ABCA3: variants seen among roughly 807,000 people sequenced by gnomAD.
ABCA3 encodes the protein phospholipid-transporting ATPase ABCA3.
Under a neutral mutation model 172.8 loss-of-function variants are expected in ABCA3, and 88 were observed. The observed-to-expected ratio is 0.51, with a 90% CI of 0.43 to 0.61. The LOEUF (loss-of-function observed/expected upper bound fraction) is 0.61, where lower values mean the gene tolerates loss of function less well. ABCA3 is among the 20% of genes least tolerant of loss of function. ABCA3 has a pLI of 0.00. For missense variants in ABCA3, 2,164 were observed against 2,301.0 expected, an observed-to-expected ratio of 0.94 and a Z score of 1.22; for synonymous variants, 1,066 against 983.8, an observed-to-expected ratio of 1.08 and a Z score of -1.56.
intron 7 of ABCA3, among the ~76,000 whole-genome samples, chr16:2,322,160 T>C (rs2093727101): frequency 6.7e-6 from 1 of 148,448 alleles, no homozygotes; most frequent in South Asian, 2.1e-4. Context: ...GTCGCGCCAC[T>C]GCACTCCAGC....
intron 8 of ABCA3, among the ~76,000 whole-genome samples, chr16:2,318,738 C>T (rs1640624385): frequency 6.6e-6 from 1 of 152,070 alleles, no homozygotes; most frequent in South Asian, 2.1e-4. Context: ...GTCTTGAACT[C>T]CTCACCTCAA....
chr16:2,319,777 T>A lies in ABCA3; in HGVS notation c.677A>T (p.His226Leu). ...HAVDRAIMEY[H>L]ADAATRQLFQ... ...CAGCTGGCGTGTGGCGGCATCGGCA[T>A]GGTACTCCATGATGGCCCGGTCCAC... Residue 226 changes from histidine to leucine, a missense_variant, in exon 8 of 33, where the codon CAT becomes CTT. Around this residue, in one of 3 missense-constraint regions of ABCA3, gnomAD observed 1,343 missense variants for 1,369.6 expected, o/e 0.98. Transcript: ENST00000301732. 1.2e-6 allele frequency: 2 copies of A among 1,614,006 alleles called. No individual in the cohort carries two copies. The highest frequency in any genetic ancestry group is 1.7e-6 in the Non-Finnish European group (2 of 1,179,996).
chr16:2,317,378 GA>G lies in ABCA3; in HGVS notation c.1015del (p.Ser339ProfsTer61). The part of the protein sequence containing the change: ...VKVKPNVAVL[S>X]RSDPSLVLAF... ...GAGCACCAGGGAGGGGTCGCTGCGG[GA>G]CAGCACGGCTACATTTGGCTTCACC... On this transcript the variant is annotated frameshift_variant, in exon 10 of 33. Transcript: ENST00000301732. LOFTEE classifies it high-confidence loss of function. 1 of 1,613,960 alleles carries G rather than the reference GA, an allele frequency of 6.2e-7. No individual in the cohort carries two copies. The highest frequency in any genetic ancestry group is 8.5e-7 in the Non-Finnish European group (1 of 1,180,024).
Position 2,279,890 on chromosome 16 carries a change from G to A in ABCA3, c.4360-760C>T, listed in dbSNP as rs917105672. On this transcript the variant is annotated intron_variant, in intron 28 of 32. Transcript: ENST00000301732. The surrounding 1 kb of genome is among the most constrained non-coding windows in gnomAD (Gnocchi z 4.4). ...GGCTCCCGAGTAGCTAGGATTATAG[G>A]CACCTGCCACCATGCCCTGCTAATT... Among the ~76,000 whole-genome samples, 1 of 152,062 alleles carries A rather than the reference G, an allele frequency of 6.6e-6. No homozygotes were observed. The highest frequency in any genetic ancestry group is 2.4e-5 in the African/African-American group (1 of 41,388).
intron 10 of ABCA3, among the ~76,000 whole-genome samples, chr16:2,315,743 A>G (rs1284855573): frequency 6.6e-6 from 1 of 152,008 alleles, no homozygotes; most frequent in Non-Finnish European, 1.5e-5. Context: ...AGCTCACTGC[A>G]ACATCCGCCA....
intron 1 of ABCA3, among the ~76,000 whole-genome samples, chr16:2,330,265 T>C (rs1311524948): frequency 7.5e-6 from 1 of 133,266 alleles, no homozygotes; most frequent in Non-Finnish European, 1.6e-5. Context: ...CTCAGAGTCA[T>C]CAGCTCCGAG....
At position 2,288,018 on chromosome 16, in the gene ABCA3, CCCCTTACCGAGCACCTCGCGGGGCT is replaced by C; in HGVS notation, c.2987_3004+7del. 1 of 1,603,022 alleles carries C rather than the reference CCCCTTACCGAGCACCTCGCGGGGCT, an allele frequency of 6.2e-7. No individual in the cohort carries two copies. The highest frequency in any genetic ancestry group is 8.5e-7 in the Non-Finnish European group (1 of 1,179,812). Reference sequence around the variant, plus strand: ...ATGCCCCCGTCCCGCCCCCGGGATGCCCCTTACCGAGCACCTCGCGGGGCTCCTGTCCCTCAGCCTGCAGTGCGTC... The same window carrying C: ...ATGCCCCCGTCCCGCCCCCGGGATGCCCTGTCCCTCAGCCTGCAGTGCGTC... On this transcript the variant is annotated splice_donor_variant and splice_donor_5th_base_variant and coding_sequence_variant and intron_variant, in exon 21 of 33. Coordinates refer to ENST00000301732, the MANE Select transcript of ABCA3 (RefSeq NM_001089.3). LOFTEE classifies it high-confidence loss of function.
intron 2 of ABCA3, 62 bp from the exon 3 acceptor site, chr16:2,328,819 A>C (rs2093738622): frequency 4.9e-6 from 1 of 203,838 alleles, no homozygotes; most frequent in Admixed American, 5.1e-5. Context: ...AAAGGCAAAC[A>C]ATTAGCGAGT....
Position 2,285,379 on chromosome 16 carries a change from G to A in ABCA3, c.3483+63C>T, listed in dbSNP as rs942037476. 1.9e-6 allele frequency: 3 copies of A among 1,544,572 alleles called. No individual in the cohort carries two copies. The highest frequency in any genetic ancestry group is 2.6e-6 in the Non-Finnish European group (3 of 1,142,550). On this transcript the variant is annotated intron_variant, in intron 23 of 32. Transcript: ENST00000301732. The surrounding 1 kb of genome is among the most constrained non-coding windows in gnomAD (Gnocchi z 4.7). ...CCCAGCTGGTTCCGGTTCTGCACAG[G>A]GGTCCCAGGGCAAGCCCTCTGCGGT...
At chr16:2,307,389 C>T (rs967256216) in intron 11 of ABCA3, among the ~76,000 whole-genome samples, 4 of 151,930 alleles carry the variant, frequency 2.6e-5, no homozygotes, top group Non-Finnish European at 5.9e-5. Context: ...CCCCTCTCTA[C>T]TAAAAATACA....
rs1311659533 is a variant in ABCA3, at chr16:2,279,925, T to G, written c.4360-795A>C. 6.6e-6 allele frequency among the ~76,000 whole-genome samples: 1 copy of G among 152,156 alleles called. No homozygotes were observed. Among genetic ancestry groups the G allele is most frequent in the East Asian group, 1.9e-4 (1 of 5,200 alleles). ...CCATGCCCTGCTAATTTTTGTATTT[T>G]TCTTTGGTAGAGACAGCATTTTGCC... On this transcript the variant is annotated intron_variant, in intron 28 of 32. Transcript: ENST00000301732. This position sits in a 1 kb window ranked among gnomAD's most constrained non-coding sequence, Gnocchi z 4.4.
At chr16:2,307,267 G>A (rs570240822) in intron 11 of ABCA3, among the ~76,000 whole-genome samples, 128 of 151,920 alleles carry the variant, frequency 8.4e-4, no homozygotes, top group African/African-American at 2.8e-3. Flanking sequence ...AAAAGTCCTC[G>A]AAACCCAGCC....
intron 10 of ABCA3, among the ~76,000 whole-genome samples, chr16:2,310,259 CTGGG>C (rs2093704449): frequency 6.6e-6 from 1 of 151,752 alleles, no homozygotes; most frequent in Non-Finnish European, 1.5e-5. Flanking sequence ...CAAAAATTAG[CTGGG>C]CATGGGTGGT....
Position 2,284,145 on chromosome 16 carries a change from A to C in ABCA3, c.3862+134T>G. On this transcript the variant is annotated intron_variant, in intron 25 of 32. Coordinates refer to ENST00000301732, the MANE Select transcript of ABCA3 (RefSeq NM_001089.3). This position sits in a 1 kb window ranked among gnomAD's most constrained non-coding sequence, Gnocchi z 5.9. Reference sequence around the variant, plus strand: ...AGGGGGCTGCTGTGGGAGGTGGGGCAAGGCGGTACAGAGGAACGCACCAGC... The same window carrying C: ...AGGGGGCTGCTGTGGGAGGTGGGGCCAGGCGGTACAGAGGAACGCACCAGC... 2.6e-6 allele frequency: 3 copies of C among 1,165,986 alleles called. No individual in the cohort carries two copies. Among genetic ancestry groups the C allele is most frequent in the Non-Finnish European group, 3.5e-6 (3 of 848,258 alleles). 72.2% of individuals were successfully genotyped at this position (1,165,986 alleles called of 1,614,324 possible).
At chr16:2,276,864 A>T in intron 32 of ABCA3, 59 bp from the exon 33 acceptor site, 1 of 1,603,720 alleles carries the variant, frequency 6.2e-7, no homozygotes. Flanking sequence ...CCTCTGCGGG[A>T]CCTGGGAGTC....
intron 7 of ABCA3, among the ~76,000 whole-genome samples, chr16:2,321,398 G>A (rs977759250): frequency 2.0e-5 from 3 of 152,196 alleles, no homozygotes; most frequent in Admixed American, 6.5e-5. Context: ...ATCGCTAAGC[G>A]CTGGCTGCAT....
In ABCA3 at chr16:2,328,715, G is replaced by C. The variant is rs1935707768; in HGVS notation, c.-289C>G. 1 of 352,768 alleles carries C rather than the reference G, an allele frequency of 2.8e-6. No homozygotes were observed. Among genetic ancestry groups the C allele is most frequent in the Non-Finnish European group, 5.7e-6 (1 of 174,790 alleles). 21.9% of individuals were successfully genotyped at this position (352,768 alleles called of 1,614,324 possible). A position where few individuals can be genotyped will look rare whatever the true frequency, so the allele number is the denominator to read the frequency against. On this transcript the variant is annotated 5_prime_UTR_variant, in exon 3 of 33. Transcript: ENST00000301732. ...TGCGGAAAAGCCTCCTTGACTCACA[G>C]TGGAAGAGTTTCAGGTTCAGTTGCT...
chr16:2,301,391 T>A lies in ABCA3; in HGVS notation c.1468-1243A>T, dbSNP rs184959824. On this transcript the variant is annotated intron_variant, in intron 12 of 32. Coordinates refer to ENST00000301732, the MANE Select transcript of ABCA3 (RefSeq NM_001089.3). ...CAGTAGTGAACACTTGATAACTACT[T>A]GTGGAAGCAAAGAATGAAAACAGAA... 1.1e-4 allele frequency among the ~76,000 whole-genome samples: 17 copies of A among 152,218 alleles called. No homozygotes were observed. In the East Asian group the frequency reaches 3.3e-3, roughly 29 times the overall value.
At chr16:2,337,701 C>A (rs1271696001) in intron 1 of ABCA3, among the ~76,000 whole-genome samples, 1 of 152,192 alleles carries the variant, frequency 6.6e-6, no homozygotes, top group Admixed American at 6.5e-5. Flanking sequence ...CAATTTATAA[C>A]CTCAGTGGCC....
Sources: gnomAD v4.1 joint callset for allele counts (sites outside exome capture counted in the v4.1 genomes callset) on GRCh38, gnomAD v4.1.1 for gene constraint, gnomAD v4.1.1 regional missense constraint, Gnocchi (gnomAD v3.1) non-coding constraint, MANE v1.5 for transcripts, NCBI Gene and HGNC (gene_info 2026-07-23, HGNC 2026-07-21) for gene names.